POPDC2: variants seen among roughly 807,000 people sequenced by gnomAD.
POPDC2 encodes popeye domain cAMP effector 2, also known as popeye domain-containing protein 2.
Under a neutral mutation model 30.5 loss-of-function variants are expected in POPDC2, and 24 were observed. The observed-to-expected ratio is 0.79, with a 90% CI of 0.57 to 1.11. POPDC2 has a LOEUF of 1.11. Ranked by LOEUF, POPDC2 falls within the 50% of genes least tolerant of loss-of-function variation. The pLI, the probability that POPDC2 is intolerant of heterozygous loss-of-function variation, is 0.00. For synonymous variants in POPDC2, 185 were observed against 183.3 expected, an observed-to-expected ratio of 1.01 and a Z score of -0.07; for missense variants, 409 against 447.0, an observed-to-expected ratio of 0.91 and a Z score of 0.77.
Position 119,656,719 on chromosome 3 carries a change from C to T in POPDC2, c.492-2106G>A, listed in dbSNP as rs77861798. ...GAAAACTCAGAGTTTCATCTTTAAC[C>T]TCTCTTCTAAAGTGAGTTATATCAG... is the stretch of plus-strand genomic sequence containing the variant. On this transcript the variant is annotated intron_variant, in intron 1 of 3. Transcript: ENST00000493094. Among the ~76,000 whole-genome samples, 482 of 152,304 alleles carry T rather than the reference C, an allele frequency of 3.2e-3. 1 individual carries two copies. Among genetic ancestry groups the T allele is most frequent in the African/African-American group, 0.011 (462 of 41,560 alleles).
At chr3:119,648,853 TG>T (rs1158566315) in intron 2 of POPDC2, among the ~76,000 whole-genome samples, 185 bp from the exon 3 acceptor site, 1 of 152,156 alleles carries the variant, frequency 6.6e-6, no homozygotes, top group African/African-American at 2.4e-5. Flanking sequence ...TGCACTGATA[TG>T]GGGGGGTCCT....
At chr3:119,645,328 C>T (rs2052733471) in intron 3 of POPDC2, among the ~76,000 whole-genome samples, 1 of 152,126 alleles carries the variant, frequency 6.6e-6, no homozygotes, top group Non-Finnish European at 1.5e-5. Flanking sequence ...TTTGGGAGCC[C>T]GAGGCGGGCG....
At chr3:119,643,780 C>T (rs541184788) in intron 3 of POPDC2, among the ~76,000 whole-genome samples, 19 of 152,092 alleles carry the variant, frequency 1.2e-4, no homozygotes, top group Non-Finnish European at 2.2e-4. Context: ...TTATAAAATC[C>T]CTGAGATTTC....
intron 2 of POPDC2, among the ~76,000 whole-genome samples, chr3:119,651,303 A>C (rs1347009064): frequency 6.6e-6 from 1 of 151,736 alleles, no homozygotes; most frequent in Non-Finnish European, 1.5e-5. Context: ...TCTGCTTAAC[A>C]AGGATTTCCA....
At chr3:119,659,383 C>G (rs1391675332) in intron 1 of POPDC2, among the ~76,000 whole-genome samples, 1 of 152,216 alleles carries the variant, frequency 6.6e-6, no homozygotes, top group African/African-American at 2.4e-5. Context: ...TGGCTACATA[C>G]AGCTACCCCA....
At chr3:119,657,155 C>T (rs375189948) in intron 1 of POPDC2, among the ~76,000 whole-genome samples, 15 of 152,310 alleles carry the variant, frequency 9.8e-5, no homozygotes, top group African/African-American at 3.6e-4. Context: ...CCTGGGAAAT[C>T]CAGTGTGGCA....
rs768683548 is a variant in POPDC2, at chr3:119,660,166, C to T, written c.258G>A (p.Val86=). The change falls in exon 1 of 4, where the codon GTG becomes GTA. Residue 86 remains valine, a synonymous_variant. Coordinates refer to ENST00000493094, the MANE Select transcript of POPDC2 (RefSeq NM_001369919.2). ...GGTGTGCCAGCTGGAGCAGGCAGAC[C>T]ACAGCCAGCAGGAAGCTCCAAAGAA... ...DIVLWSFLLA[V]VCLLQLAHLV... 13 of 1,614,080 alleles carry T rather than the reference C, an allele frequency of 8.1e-6. No homozygotes were observed. The highest frequency in any genetic ancestry group is 1.7e-5 in the Admixed American group (1 of 60,006).
intron 3 of POPDC2, chr3:119,643,238 T>C (rs1050510190): frequency 3.1e-6 from 2 of 645,994 alleles, no homozygotes; most frequent in African/African-American, 3.6e-5. Flanking sequence ...GGGAAGAGCA[T>C]GATGACAGTG....
chr3:119,660,018 G>A lies in POPDC2; in HGVS notation c.406C>T (p.Gln136Ter), dbSNP rs1248991257. ...TGTTCAGTGGCCAGAGTTAAGACCT[G>A]CTCCTCGCAGCAGTGAACAATCTCC... The part of the protein sequence containing the change: ...YKEIVHCCEE[Q>*]VLTLATEQTY... The change falls in exon 1 of 4, where the codon CAG (glutamine) becomes TAG (stop). Residue 136 changes from glutamine to a stop codon, truncating the protein, a stop_gained. Coordinates refer to ENST00000493094, the MANE Select transcript of POPDC2 (RefSeq NM_001369919.2). LOFTEE classifies it high-confidence loss of function. The A allele has an allele frequency of 1.2e-6, 2 of 1,614,072 alleles. No homozygotes were observed. Among genetic ancestry groups the A allele is most frequent in the Non-Finnish European group, 1.7e-6 (2 of 1,180,010 alleles).
intron 3 of POPDC2, among the ~76,000 whole-genome samples, chr3:119,647,667 G>A (rs1161275670): frequency 1.3e-5 from 2 of 152,196 alleles, no homozygotes; most frequent in African/African-American, 4.8e-5. Context: ...AAAATATGCA[G>A]TTTTAACAGA....
chr3:119,657,905 G>C (rs1377549819), intron 1 of POPDC2, among the ~76,000 whole-genome samples: 1 of 152,192 alleles, frequency 6.6e-6, no homozygotes, highest in Admixed American at 6.5e-5. Context: ...TTTTATATGA[G>C]AGAAACGTCT....
intron 2 of POPDC2, among the ~76,000 whole-genome samples, chr3:119,650,601 C>T (rs1577169462): frequency 1.3e-5 from 2 of 152,164 alleles, no homozygotes; most frequent in East Asian, 3.8e-4. Context: ...CATGATTGTT[C>T]CTTTTCAAGC....
At chr3:119,657,701 C>G (rs1296491742) in intron 1 of POPDC2, among the ~76,000 whole-genome samples, 1 of 152,186 alleles carries the variant, frequency 6.6e-6, no homozygotes, top group East Asian at 1.9e-4. Flanking sequence ...GAGTGACAAC[C>G]GTAGAGTGTA....
intron 3 of POPDC2, among the ~76,000 whole-genome samples, chr3:119,644,857 A>C (rs2052728055): frequency 6.6e-6 from 1 of 152,260 alleles, no homozygotes. Context: ...ATGCTTATTC[A>C]TTAGAGTAAT....
At chr3:119,660,789 A>T (rs1365504898), upstream of POPDC2, 5 of 193,232 alleles carry the variant, frequency 2.6e-5, no homozygotes, top group Non-Finnish European at 5.4e-5. Context: ...AAAAACCTAA[A>T]TAGTCCCAAG....
At chr3:119,660,668 C>CCTCCCCCCCACAT (rs2052934191), upstream of POPDC2, 9 of 220,938 alleles carry the variant, frequency 4.1e-5, no homozygotes, top group African/African-American at 1.6e-4. Flanking sequence ...CCCCCTCTCT[C>CCTCCCCCCCACAT]CTCCCCACCA....
chr3:119,660,228 G>A lies in POPDC2; in HGVS notation c.196C>T (p.Leu66=). The part of the protein sequence containing the change: ...FLSAGYLCCV[L]WGWFSACGLD... ...CCACAGGCACTGAACCAGCCCCACAGCACGCAGCACAGGTAACCTGCACTC... is the reference window on the plus strand; with the variant it reads ...CCACAGGCACTGAACCAGCCCCACAACACGCAGCACAGGTAACCTGCACTC... The change falls in exon 1 of 4, where the codon CTG becomes TTG. Residue 66 remains leucine (L), a synonymous_variant. Transcript: ENST00000493094. 2 of 1,614,154 alleles carry A rather than the reference G, an allele frequency of 1.2e-6. No individual in the cohort carries two copies. Among genetic ancestry groups the A allele is most frequent in the South Asian group, 2.2e-5 (2 of 91,080 alleles).
At chr3:119,646,271 G>A (rs939096584) in intron 3 of POPDC2, among the ~76,000 whole-genome samples, 2 of 152,088 alleles carry the variant, frequency 1.3e-5, no homozygotes, top group Admixed American at 1.3e-4. Context: ...CAATAAAATG[G>A]AAGAAAACAA....
intron 2 of POPDC2, among the ~76,000 whole-genome samples, chr3:119,649,237 A>G (rs548963136): frequency 6.6e-6 from 1 of 152,296 alleles, no homozygotes; most frequent in South Asian, 2.1e-4. Context: ...ATTGCTCGTA[A>G]CTTGGCCATT....
Sources: allele counts gnomAD v4.1 joint callset (sites outside exome capture counted in the v4.1 genomes callset), GRCh38; gene constraint gnomAD v4.1.1; transcripts MANE v1.5; gene names NCBI Gene and HGNC (gene_info 2026-07-23, HGNC 2026-07-21).